The following MED12L variants were observed in gnomAD, a reference collection of about 807,000 sequenced individuals.
MED12L encodes the protein mediator of RNA polymerase II transcription subunit 12-like protein.
In MED12L, 60 loss-of-function variants were observed where a neutral mutation model predicts 281.3. That is an observed-to-expected ratio of 0.21 (90% CI 0.17 to 0.26). MED12L has a LOEUF of 0.26. Ranked by LOEUF, MED12L falls within the 10% of genes least tolerant of loss-of-function variation. MED12L has a pLI of 1.00. For synonymous variants in MED12L, 974 were observed against 987.2 expected, an observed-to-expected ratio of 0.99 and a Z score of 0.25; for missense variants, 2,146 against 2,680.9, an observed-to-expected ratio of 0.80 and a Z score of 4.41.
intron 39 of MED12L, among the ~76,000 whole-genome samples, chr3:151,405,617 A>G (rs1272262206): frequency 1.3e-5 from 2 of 152,172 alleles, no homozygotes; most frequent in Non-Finnish European, 2.9e-5. Context: ...AGCCTTGGCA[A>G]CAAAGTGAGA....
chr3:151,369,645 A>G (rs769218738), intron 26 of MED12L, 96 bp downstream of exon 26: 12 of 750,908 alleles, frequency 1.6e-5, no homozygotes, highest in Non-Finnish European at 2.5e-5. Flanking sequence ...ATTATTGGAA[A>G]CATGATACTG....
At chr3:151,388,901 G>C (rs1376921575) in intron 37 of MED12L, among the ~76,000 whole-genome samples, 1 of 152,130 alleles carries the variant, frequency 6.6e-6, no homozygotes, top group Non-Finnish European at 1.5e-5. Flanking sequence ...ATTTGATAGA[G>C]GATTTGAGAC....
chr3:151,141,021 C>T (rs1359467893), intron 5 of MED12L, among the ~76,000 whole-genome samples: 5 of 152,240 alleles, frequency 3.3e-5, no homozygotes, highest in Non-Finnish European at 5.9e-5. Context: ...GCACCCGCCA[C>T]GACGCCCAGC....
intron 11 of MED12L, among the ~76,000 whole-genome samples, chr3:151,173,004 C>G (rs1392627282): frequency 6.6e-6 from 1 of 151,644 alleles, no homozygotes; most frequent in African/African-American, 2.4e-5. Context: ...CTTGCTGTCA[C>G]TGAGAAGGGC....
intron 39 of MED12L, among the ~76,000 whole-genome samples, chr3:151,400,217 A>C (rs1254148960): frequency 6.6e-6 from 1 of 152,236 alleles, no homozygotes; most frequent in Non-Finnish European, 1.5e-5. Flanking sequence ...AAAGAACTTT[A>C]TGCCTTGATT....
chr3:151,198,737 T>C, intron 16 of MED12L: 6 of 1,613,298 alleles, frequency 3.7e-6, no homozygotes, highest in Non-Finnish European at 5.1e-6. Flanking sequence ...CTTTTTCACA[T>C]TTGGGTAATT....
chr3:151,402,223 C>T (rs1183170711), intron 39 of MED12L, among the ~76,000 whole-genome samples: 3 of 152,146 alleles, frequency 2.0e-5, no homozygotes, highest in Admixed American at 2.0e-4. Context: ...ACTCAGTGAG[C>T]TCAGGGAAAT....
chr3:151,096,299 T>C (rs148600347), intron 2 of MED12L, among the ~76,000 whole-genome samples: 1 of 152,330 alleles, frequency 6.6e-6, no homozygotes, highest in East Asian at 1.9e-4. Context: ...GTCAATTTCT[T>C]ATAGCCATAT....
At chr3:151,405,085 C>T (rs748900655) in intron 39 of MED12L, among the ~76,000 whole-genome samples, 1 of 152,188 alleles carries the variant, frequency 6.6e-6, no homozygotes, top group Non-Finnish European at 1.5e-5. Context: ...TTAAAAAATA[C>T]AGCAGTAAGA....
At chr3:151,362,983 G>A (rs575968410) in intron 21 of MED12L, among the ~76,000 whole-genome samples, 49 of 152,056 alleles carry the variant, frequency 3.2e-4, no homozygotes, top group African/African-American at 1.2e-3. Context: ...TACAGCAGCC[G>A]TTTTTTTAAT....
chr3:151,424,805 G>T (rs573323493), intron 43 of MED12L, among the ~76,000 whole-genome samples: 3 of 152,306 alleles, frequency 2.0e-5, no homozygotes, highest in South Asian at 2.1e-4. Flanking sequence ...ATACGTTGTT[G>T]TTCCTTCCGC....
chr3:151,279,759 C>T (rs553549738), intron 16 of MED12L, among the ~76,000 whole-genome samples: 1 of 152,314 alleles, frequency 6.6e-6, no homozygotes, highest in East Asian at 1.9e-4. Context: ...TTGCAGAGTC[C>T]TCCAGATGTA....
rs1721690585 is a variant in MED12L at position 151,173,609 on chromosome 3, A to G, written c.1494+7627A>G. On this transcript the variant is annotated intron_variant, in intron 11 of 44. Coordinates refer to ENST00000687756, the MANE Select transcript of MED12L (RefSeq NM_001393769.1). ...ACAATATTTTAATTAGAAAATTCAA[A>G]TCCTCAAGTTGAGCACGCTGGCCTT... Among the ~76,000 whole-genome samples the G allele has an allele frequency of 9.8e-5, 15 of 152,334 alleles. No homozygotes were observed. In the South Asian group the frequency reaches 3.1e-3, roughly 32 times the overall value.
chr3:151,109,177 G>A (rs905218307), intron 2 of MED12L, among the ~76,000 whole-genome samples: 1 of 151,304 alleles, frequency 6.6e-6, no homozygotes, highest in African/African-American at 2.4e-5. Flanking sequence ...CCTGCCTCCC[G>A]AGTAGCTGGG....
At chr3:151,243,111 C>G (rs944791803) in intron 16 of MED12L, among the ~76,000 whole-genome samples, 9 of 151,904 alleles carry the variant, frequency 5.9e-5, no homozygotes, top group African/African-American at 2.2e-4. Flanking sequence ...AAATATGGGG[C>G]TGTGTGAAAA....
chr3:151,247,116 G>A (rs1365249791), intron 16 of MED12L, among the ~76,000 whole-genome samples: 1 of 152,160 alleles, frequency 6.6e-6, no homozygotes, highest in African/African-American at 2.4e-5. Flanking sequence ...GGAAACAACA[G>A]GTGCTGGAGA....
chr3:151,273,998 G>A (rs1415505401), intron 16 of MED12L, among the ~76,000 whole-genome samples: 3 of 152,056 alleles, frequency 2.0e-5, no homozygotes, highest in African/African-American at 7.2e-5. Flanking sequence ...AAATCGTGTG[G>A]CCTCTAAAGC....
At chr3:151,257,661 T>A (rs1738080276) in intron 16 of MED12L, among the ~76,000 whole-genome samples, 1 of 152,248 alleles carries the variant, frequency 6.6e-6, no homozygotes, top group African/African-American at 2.4e-5. Flanking sequence ...GCTTCAAGAT[T>A]TGCATTGTGT....
At chr3:151,220,399 A>G (rs570971879) in intron 16 of MED12L, among the ~76,000 whole-genome samples, 3 of 152,236 alleles carry the variant, frequency 2.0e-5, no homozygotes, top group African/African-American at 7.2e-5. Flanking sequence ...TTTAATGTGC[A>G]TACACATTAC....
Sources: allele counts gnomAD v4.1 joint callset (sites outside exome capture counted in the v4.1 genomes callset), GRCh38; gene constraint gnomAD v4.1.1; transcripts MANE v1.5; gene names NCBI Gene and HGNC (gene_info 2026-07-23, HGNC 2026-07-21).